GRAMD1A: variants seen among roughly 807,000 people sequenced by gnomAD.
The protein encoded by GRAMD1A is GRAM domain containing 1A.
A neutral mutation model predicts 92.0 loss-of-function variants in GRAMD1A; 50 were observed. The observed-to-expected ratio is 0.54, with a 90% CI of 0.43 to 0.69. GRAMD1A has a LOEUF of 0.69. Ranked by LOEUF, GRAMD1A falls within the 30% of genes least tolerant of loss-of-function variation. The pLI, the probability that GRAMD1A is intolerant of heterozygous loss-of-function variation, is 0.00. For missense variants in GRAMD1A, 819 were observed against 978.9 expected (o/e 0.84, Z 2.18); for synonymous variants, 405 against 403.6 (o/e 1.00, Z -0.04).
In GRAMD1A at chr19:35,026,125, A is replaced by T. The variant is rs1252800164; in HGVS notation, c.2159A>T (p.Asp720Val). The change falls in exon 20 of 20, where the codon GAT becomes GTT. Residue 720 changes from aspartate to valine, a missense_variant. Transcript: ENST00000317991. ...CCCTTTGACACCCAGCCCCGGCCCG[A>T]TGACAGCTTTTCCTGAGGACCCCGG... ...DPPFDTQPRP[D>V]DSFS The T allele has an allele frequency of 6.3e-7, 1 of 1,577,228 alleles. No homozygotes were observed. Among genetic ancestry groups the T allele is most frequent in the Non-Finnish European group, 8.7e-7 (1 of 1,146,480 alleles).
In GRAMD1A at chr19:35,009,406, T is replaced by C; in HGVS notation, c.220-17T>C. 6.2e-7 allele frequency: 1 copy of C among 1,613,882 alleles called. No homozygotes were observed. Among genetic ancestry groups the C allele is most frequent in the Non-Finnish European group, 8.5e-7 (1 of 1,179,972 alleles). ...TGATCTAGGGGCTCATCCTGACTCCTCTCCTTTTCTTTGCAGAAGATGCAG... is the reference window on the plus strand; with the variant it reads ...TGATCTAGGGGCTCATCCTGACTCCCCTCCTTTTCTTTGCAGAAGATGCAG... On this transcript the variant is annotated splice_polypyrimidine_tract_variant and intron_variant, in intron 2 of 19. Coordinates refer to ENST00000317991, the MANE Select transcript of GRAMD1A (RefSeq NM_020895.5).
chr19:35,001,732 T>A, intron 1 of GRAMD1A, among the ~76,000 whole-genome samples: 1 of 151,926 alleles, frequency 6.6e-6, no homozygotes, highest in Non-Finnish European at 1.5e-5. Flanking sequence ...CTCAGCCTCC[T>A]GAGTAGCTGG....
In GRAMD1A at chr19:35,026,270, G is replaced by C; in HGVS notation, c.*129G>C. On this transcript the variant is annotated 3_prime_UTR_variant, in exon 20 of 20. Coordinates refer to ENST00000317991, the MANE Select transcript of GRAMD1A (RefSeq NM_020895.5). ...CCTCCCGACGGCCCAACCAGGGGCT[G>C]TGCAGACGTGGGGACCACGGAACCG... 1 of 641,016 alleles carries C rather than the reference G, an allele frequency of 1.6e-6. No individual in the cohort carries two copies. The highest frequency in any genetic ancestry group is 1.7e-5 in the South Asian group (1 of 58,010). The allele number at this position is 641,016 out of a possible 1,614,324, so 39.7% of individuals were successfully genotyped here.
At position 35,013,763 on chromosome 19, in the gene GRAMD1A, A is replaced by G; in HGVS notation, c.870+72A>G. The stretch of plus-strand genomic sequence containing the variant: ...AGGAGGGCTGGGGGTGCAGTGGGAG[A>G]AGAACAGCCTGACAGATTTGGAGGG... On this transcript the variant is annotated intron_variant, in intron 9 of 19. Transcript: ENST00000317991. This position sits in a 1 kb window ranked among gnomAD's most constrained non-coding sequence, Gnocchi z 4.9. 1.4e-6 allele frequency: 2 copies of G among 1,445,792 alleles called. No individual in the cohort carries two copies. The highest frequency in any genetic ancestry group is 1.9e-6 in the Non-Finnish European group (2 of 1,051,210). 89.6% of individuals were successfully genotyped at this position (1,445,792 alleles called of 1,614,324 possible).
In GRAMD1A at chr19:35,001,645, T is replaced by A. The variant is rs561358020; in HGVS notation, c.8+1159T>A. ...TCTTTTGAAATAGAGTCTGGCTCTGTCGCCCAGGCTAGAGTGCAGTGGCAC... is the reference window on the plus strand; with the variant it reads ...TCTTTTGAAATAGAGTCTGGCTCTGACGCCCAGGCTAGAGTGCAGTGGCAC... On this transcript the variant is annotated intron_variant, in intron 1 of 19. Coordinates refer to ENST00000317991, the MANE Select transcript of GRAMD1A (RefSeq NM_020895.5). 1.6e-4 allele frequency among the ~76,000 whole-genome samples: 25 copies of A among 152,140 alleles called. 1 individual carries two copies. In the South Asian group the frequency reaches 5.2e-3, roughly 32 times the overall value.
chr19:35,004,101 A>G (rs965673032), intron 1 of GRAMD1A, among the ~76,000 whole-genome samples: 1 of 152,128 alleles, frequency 6.6e-6, no homozygotes, highest in African/African-American at 2.4e-5. Context: ...TGGTGGTGTG[A>G]GACTGTAGTC....
At chr19:35,004,769 A>G (rs1600278816) in intron 1 of GRAMD1A, among the ~76,000 whole-genome samples, 1 of 151,924 alleles carries the variant, frequency 6.6e-6, no homozygotes, top group Non-Finnish European at 1.5e-5. Context: ...CGCGCTGTAC[A>G]CTCCATCTTA....
intron 11 of GRAMD1A, among the ~76,000 whole-genome samples, chr19:35,018,843 G>A (rs544227271): frequency 6.6e-6 from 1 of 152,080 alleles, no homozygotes; most frequent in Non-Finnish European, 1.5e-5. Context: ...CTGAGTGGGG[G>A]CCTGGGAGAT....
At chr19:34,998,733 G>C (rs373832389), upstream of GRAMD1A, 1 of 151,810 alleles carries the variant, frequency 6.6e-6, no homozygotes, top group East Asian at 1.9e-4. Flanking sequence ...TTGGCCGGTG[G>C]GAGGCAGCAA....
chr19:34,997,692 T>C (rs1232377357), upstream of GRAMD1A, among the ~76,000 whole-genome samples: 1 of 152,178 alleles, frequency 6.6e-6, no homozygotes, highest in African/African-American at 2.4e-5. Context: ...AGAGGGAGCC[T>C]AATCGTGTAT....
intron 1 of GRAMD1A, chr19:35,005,794 G>A (rs1184407156): frequency 4.4e-6 from 2 of 450,658 alleles, no homozygotes; most frequent in Non-Finnish European, 8.9e-6. Context: ...TGACGGCCCA[G>A]AGTAGTCCAG....
At chr19:35,003,559 C>T (rs548079217) in intron 1 of GRAMD1A, among the ~76,000 whole-genome samples, 1 of 152,352 alleles carries the variant, frequency 6.6e-6, no homozygotes, top group Admixed American at 6.5e-5. Flanking sequence ...TTGAGCCTCT[C>T]TTCAGGATTC....
At chr19:35,015,685 T>G in intron 10 of GRAMD1A, 139 bp from the exon 11 acceptor site, 1 of 729,664 alleles carries the variant, frequency 1.4e-6, no homozygotes, top group South Asian at 2.0e-5. Context: ...ACAGGAGGGC[T>G]CTGTGTCAGT....
At chr19:34,995,289 C>A (rs1421275663) in intron 1 of GRAMD1A, among the ~76,000 whole-genome samples, 1 of 152,204 alleles carries the variant, frequency 6.6e-6, no homozygotes, top group Admixed American at 6.5e-5. Context: ...CCAGGGCTTT[C>A]CGAAAAAAAT....
intron 11 of GRAMD1A, among the ~76,000 whole-genome samples, chr19:35,016,764 G>T (rs890185773): frequency 1.3e-5 from 2 of 151,944 alleles, no homozygotes; most frequent in Non-Finnish European, 2.9e-5. Flanking sequence ...TTTTAGCCAG[G>T]CATGGTGGCG....
Position 35,002,159 on chromosome 19 carries a change from C to A in GRAMD1A, c.8+1673C>A, listed in dbSNP as rs115551552. Among the ~76,000 whole-genome samples the A allele has an allele frequency of 4.2e-3, 642 of 152,174 alleles. 4 individuals are homozygous for A. Among genetic ancestry groups the A allele is most frequent in the African/African-American group, 0.015 (618 of 41,502 alleles). ...GCTCTCTGTAGGCTTGGAACCCTCC[C>A]TTCTAAGACCCTGGGAGTACCCAGG... On this transcript the variant is annotated intron_variant, in intron 1 of 19. Transcript: ENST00000317991.
At chr19:34,995,838 C>T (rs1363362341), upstream of GRAMD1A, among the ~76,000 whole-genome samples, 1 of 152,172 alleles carries the variant, frequency 6.6e-6, no homozygotes, top group Non-Finnish European at 1.5e-5. Context: ...CTGCCTCAGC[C>T]TCCCAGAGAG....
In GRAMD1A at chr19:35,000,490, AGGACCGGGCGACTAGAGCTCAG is replaced by A. The variant is rs1212880303; in HGVS notation, c.8+15_8+36del. The A allele has an allele frequency of 1.6e-6, 2 of 1,275,558 alleles. No homozygotes were observed. Among genetic ancestry groups the A allele is most frequent in the South Asian group, 5.0e-5 (2 of 40,272 alleles). The allele number at this position is 1,275,558 out of a possible 1,614,324, so 79.0% of individuals were successfully genotyped here. ...ACCGCGCCGCATCCATGTTCGAGTA[AGGACCGGGCGACTAGAGCTCAG>A]GGACCGGGCGCGCGGGGGAGGCCAC... On this transcript the variant is annotated splice_donor_5th_base_variant and intron_variant, in intron 1 of 19. Coordinates refer to ENST00000317991, the MANE Select transcript of GRAMD1A (RefSeq NM_020895.5). The surrounding 1 kb of genome is among the most constrained non-coding windows in gnomAD (Gnocchi z 4.9).
chr19:35,003,461 C>T (rs2014568309), intron 1 of GRAMD1A, among the ~76,000 whole-genome samples: 1 of 152,120 alleles, frequency 6.6e-6, no homozygotes. Flanking sequence ...CCTGGTTGGG[C>T]AGCCGCAGGG....
Sources: gnomAD v4.1 joint callset for allele counts (sites outside exome capture counted in the v4.1 genomes callset) on GRCh38, gnomAD v4.1.1 for gene constraint, Gnocchi (gnomAD v3.1) non-coding constraint, MANE v1.5 for transcripts, NCBI Gene and HGNC (gene_info 2026-07-23, HGNC 2026-07-21) for gene names.